Variants in SMAD1 observed in about 807,000 individuals in gnomAD.
SMAD1 encodes the protein SMAD family member 1, also known as MAD, mothers against decapentaplegic homolog 1.
In SMAD1, 6 loss-of-function variants were observed where a neutral mutation model predicts 41.6. That is an observed-to-expected ratio of 0.14 (90% CI 0.08 to 0.28). SMAD1 has a LOEUF of 0.28. SMAD1 is among the 10% of genes least tolerant of loss of function. The pLI, the probability that SMAD1 is intolerant of heterozygous loss-of-function variation, is 1.00. For missense variants in SMAD1, 379 were observed against 582.6 expected, an observed-to-expected ratio of 0.65 and a Z score of 3.60; for synonymous variants, 206 against 203.2, an observed-to-expected ratio of 1.01 and a Z score of -0.12.
intron 1 of SMAD1, among the ~76,000 whole-genome samples, chr4:145,506,501 C>T (rs1729792769): frequency 6.6e-6 from 1 of 151,940 alleles, no homozygotes; most frequent in South Asian, 2.1e-4. Context: ...TTAATGGGAG[C>T]ATTTATTTTG....
chr4:145,496,612 G>A (rs1234370629), intron 1 of SMAD1, among the ~76,000 whole-genome samples: 1 of 152,056 alleles, frequency 6.6e-6, no homozygotes, highest in Non-Finnish European at 1.5e-5. Flanking sequence ...TTTGCAGAAG[G>A]TGAAACCTGA....
intron 1 of SMAD1, among the ~76,000 whole-genome samples, chr4:145,504,336 T>C (rs1729644077): frequency 6.6e-6 from 1 of 152,224 alleles, no homozygotes; most frequent in Admixed American, 6.5e-5. Context: ...GGAACTGAAA[T>C]AACTAGATCC....
intron 4 of SMAD1, among the ~76,000 whole-genome samples, chr4:145,543,708 G>A (rs1732080860): frequency 6.6e-6 from 1 of 152,176 alleles, no homozygotes; most frequent in African/African-American, 2.4e-5. Flanking sequence ...TAAGTGAGCA[G>A]AGAACTCAGG....
intron 1 of SMAD1, chr4:145,503,858 T>C (rs914736052): frequency 3.9e-5 from 6 of 152,328 alleles, no homozygotes; most frequent in African/African-American, 1.4e-4. Context: ...GCAGTGCATG[T>C]AGGTGTGTGT....
chr4:145,495,492 C>T (rs531852330), intron 1 of SMAD1, among the ~76,000 whole-genome samples: 103 of 152,124 alleles, frequency 6.8e-4, no homozygotes, highest in African/African-American at 2.4e-3. Flanking sequence ...TTCTTTATCT[C>T]TACATCTACT....
intron 2 of SMAD1, among the ~76,000 whole-genome samples, chr4:145,519,963 A>G (rs771670330): frequency 7.2e-5 from 11 of 152,216 alleles, no homozygotes; most frequent in Non-Finnish European, 1.3e-4. Context: ...ACAAGTGACA[A>G]TTTCCTTTTT....
intron 3 of SMAD1, among the ~76,000 whole-genome samples, chr4:145,541,237 C>T (rs1344718172): frequency 6.6e-6 from 1 of 152,168 alleles, no homozygotes; most frequent in Non-Finnish European, 1.5e-5. Context: ...CTTGAATTTA[C>T]ACTTTGTCCC....
At chr4:145,505,686 A>G (rs1464342062) in intron 1 of SMAD1, among the ~76,000 whole-genome samples, 1 of 151,870 alleles carries the variant, frequency 6.6e-6, no homozygotes, top group Non-Finnish European at 1.5e-5. Context: ...GAAGCCCACC[A>G]TAGGTCTACT....
chr4:145,537,435 G>A (rs1414674166), intron 2 of SMAD1, among the ~76,000 whole-genome samples: 1 of 152,146 alleles, frequency 6.6e-6, no homozygotes, highest in Non-Finnish European at 1.5e-5. Flanking sequence ...TCTGGGTAAA[G>A]GGTATTTGAG....
intron 1 of SMAD1, among the ~76,000 whole-genome samples, chr4:145,494,209 C>T (rs1728933240): frequency 6.6e-6 from 1 of 152,186 alleles, no homozygotes; most frequent in Non-Finnish European, 1.5e-5. Context: ...ACCCACCTGC[C>T]TCTCCCTCCC....
chr4:145,523,084 T>C (rs1159623601), intron 2 of SMAD1, among the ~76,000 whole-genome samples: 6 of 152,250 alleles, frequency 3.9e-5, no homozygotes, highest in Admixed American at 3.9e-4. Flanking sequence ...TAATATTAAC[T>C]ATAAAAATTA....
chr4:145,488,833 A>G (rs1179450568), intron 1 of SMAD1, among the ~76,000 whole-genome samples: 2 of 152,246 alleles, frequency 1.3e-5, no homozygotes, highest in East Asian at 3.8e-4. Context: ...GTATACACAA[A>G]CATGAAAAAT....
intron 2 of SMAD1, chr4:145,525,892 C>T (rs1466963307): frequency 6.6e-6 from 1 of 152,178 alleles, no homozygotes. Context: ...TTTAGGTCAA[C>T]AAAGGAGTGT....
chr4:145,503,757 C>A (rs1012992832), intron 1 of SMAD1: 1 of 152,244 alleles, frequency 6.6e-6, no homozygotes. Context: ...CTCCCCATGT[C>A]TGCTTGGGTT....
At chr4:145,529,912 G>T (rs746924029) in intron 2 of SMAD1, among the ~76,000 whole-genome samples, 74 of 152,220 alleles carry the variant, frequency 4.9e-4, no homozygotes, top group Non-Finnish European at 1.6e-4. Flanking sequence ...TGAGGTATAA[G>T]AATCTGCCTT....
At chr4:145,490,996 G>C (rs762972128) in intron 1 of SMAD1, among the ~76,000 whole-genome samples, 1 of 152,146 alleles carries the variant, frequency 6.6e-6, no homozygotes, top group Non-Finnish European at 1.5e-5. Context: ...AGAAGGAAAG[G>C]GGAGTTTGAT....
In SMAD1 at chr4:145,514,609, T is replaced by C; in HGVS notation, c.-5T>C. ...TATCCAAGGAGTATAACTAGTGCTG[T>C]CATTATGAATGTGACAAGTTTATTT... On this transcript the variant is annotated 5_prime_UTR_variant, in exon 2 of 7. Coordinates refer to ENST00000302085, the MANE Select transcript of SMAD1 (RefSeq NM_005900.3). This position sits in a 1 kb window ranked among gnomAD's most constrained non-coding sequence, Gnocchi z 4.7. 6.3e-7 allele frequency: 1 copy of C among 1,594,104 alleles called. No individual in the cohort carries two copies. The highest frequency in any genetic ancestry group is 8.5e-7 in the Non-Finnish European group (1 of 1,171,926).
At chr4:145,530,156 A>G (rs1731244332) in intron 2 of SMAD1, among the ~76,000 whole-genome samples, 1 of 152,220 alleles carries the variant, frequency 6.6e-6, no homozygotes, top group East Asian at 1.9e-4. Context: ...GGTGAAGTAA[A>G]GTCAACTTAG....
At chr4:145,554,452 T>C (rs930238509) in intron 6 of SMAD1, among the ~76,000 whole-genome samples, 23 of 152,220 alleles carry the variant, frequency 1.5e-4, no homozygotes, top group African/African-American at 4.8e-4. Context: ...TTGTTTTTGT[T>C]TCAACAGTAA....
Sources: gnomAD v4.1 joint callset for allele counts (sites outside exome capture counted in the v4.1 genomes callset) on GRCh38, gnomAD v4.1.1 for gene constraint, Gnocchi (gnomAD v3.1) non-coding constraint, MANE v1.5 for transcripts, NCBI Gene and HGNC (gene_info 2026-07-23, HGNC 2026-07-21) for gene names.